Variants in SMYD4 observed in about 807,000 individuals in gnomAD.
SMYD4 encodes SET and MYND domain containing 4.
In SMYD4, 68 loss-of-function variants were observed where a neutral mutation model predicts 72.8. The ratio of observed to expected loss-of-function variants is 0.93; its 90% CI spans 0.77 to 1.14. The LOEUF (loss-of-function observed/expected upper bound fraction) is 1.14, where lower values mean the gene tolerates loss of function less well. SMYD4 is among the 50% of genes most tolerant of loss of function. The pLI, the probability that SMYD4 is intolerant of heterozygous loss-of-function variation, is 0.00. For synonymous variants in SMYD4, 407 were observed against 388.6 expected, an observed-to-expected ratio of 1.05 and a Z score of -0.56; for missense variants, 984 against 1,003.7, an observed-to-expected ratio of 0.98 and a Z score of 0.27.
intron 5 of SMYD4, among the ~76,000 whole-genome samples, chr17:1,796,734 C>G (rs1348818658): frequency 6.6e-6 from 1 of 151,952 alleles, no homozygotes; most frequent in Non-Finnish European, 1.5e-5. Flanking sequence ...CGCGCCCAGC[C>G]CTATTAAGTA....
chr17:1,817,591 C>T (rs1248735796), intron 2 of SMYD4, among the ~76,000 whole-genome samples: 1 of 152,110 alleles, frequency 6.6e-6, no homozygotes, highest in East Asian at 1.9e-4. Context: ...GCCTTGGCCT[C>T]TCAAAAGAGT....
In SMYD4 at chr17:1,783,034, C is replaced by A; in HGVS notation, c.2261+1G>T. Reference sequence around the variant, plus strand: ...CCCTGTGAAGTGGGAAAGGGACTCACCCGTTGAAAAAGATCTGGGCCAATT... The same window carrying A: ...CCCTGTGAAGTGGGAAAGGGACTCAACCGTTGAAAAAGATCTGGGCCAATT... On this transcript the variant is annotated splice_donor_variant, in intron 10 of 10. Coordinates refer to ENST00000305513, the MANE Select transcript of SMYD4 (RefSeq NM_052928.3). LOFTEE classifies it high-confidence loss of function. 3 of 1,613,874 alleles carry A rather than the reference C, an allele frequency of 1.9e-6. No individual in the cohort carries two copies. The highest frequency in any genetic ancestry group is 2.5e-6 in the Non-Finnish European group (3 of 1,179,952).
At chr17:1,788,045 GT>G (rs981439851) in intron 5 of SMYD4, among the ~76,000 whole-genome samples, 1 of 152,114 alleles carries the variant, frequency 6.6e-6, no homozygotes, top group Non-Finnish European at 1.5e-5. Context: ...AAGCGACCTA[GT>G]TACTACCCCA....
intron 3 of SMYD4, among the ~76,000 whole-genome samples, chr17:1,805,350 GGAGGTTAGGTTGCAGT>G (rs1377235726): frequency 2.6e-5 from 4 of 152,096 alleles, no homozygotes; most frequent in Non-Finnish European, 5.9e-5. Flanking sequence ...CCTGGGAGGT[GGAGGTTAGGTTGCAGT>G]GAGCTGAGAT....
At position 1,800,066 on chromosome 17, in the gene SMYD4, C is replaced by T. The variant is rs1289357164; in HGVS notation, c.1328G>A (p.Cys443Tyr). 4.3e-6 allele frequency: 7 copies of T among 1,612,534 alleles called. No homozygotes were observed. The East Asian group carries it at 1.6e-4, about 36-fold the overall frequency. Residue 443 changes from cysteine to tyrosine, a missense_variant, in exon 5 of 11, where the codon TGT becomes TAT. By Grantham distance (194) the Cys-to-Tyr change is radical. Transcript: ENST00000305513. ...GCACAGTGCAGAAACACAGAGAGCACAGAGGAATTTGTGCTCTGGGCTATG... is the reference window on the plus strand; with the variant it reads ...GCACAGTGCAGAAACACAGAGAGCATAGAGGAATTTGTGCTCTGGGCTATG... Reference protein sequence around the residue: ...ENHSPEHKFLCALCVSALCRQ... With the variant: ...ENHSPEHKFLYALCVSALCRQ...
chr17:1,809,979 C>T (rs1349132126), intron 3 of SMYD4, among the ~76,000 whole-genome samples: 1 of 151,984 alleles, frequency 6.6e-6, no homozygotes, highest in Non-Finnish European at 1.5e-5. Flanking sequence ...CGTTATTTTA[C>T]AGATGGGGTC....
chr17:1,800,414 C>T lies in SMYD4; in HGVS notation c.980G>A (p.Trp327Ter). Residue 327 changes from tryptophan to a stop codon, truncating the protein, a stop_gained, in exon 5 of 11, where the codon TGG (tryptophan) becomes TAG (stop). Transcript: ENST00000305513. LOFTEE classifies it high-confidence loss of function. ...YCSQECLQQAWELYHRTECPL... is the reference protein window; with the variant it reads ...YCSQECLQQA ...ACATTCTGTCCTGTGGTAGAGCTCC[C>T]AGGCCTGCTGCAAACACTCCTGGCT... is the stretch of plus-strand genomic sequence containing the variant. 1 of 1,614,194 alleles carries T rather than the reference C, an allele frequency of 6.2e-7. No homozygotes were observed. Among genetic ancestry groups the T allele is most frequent in the South Asian group, 1.1e-5 (1 of 91,088 alleles).
In SMYD4 at chr17:1,812,077, C is replaced by A. The variant is rs770392187; in HGVS notation, c.173G>T (p.Gly58Val). Residue 58 changes from glycine (G) to valine (V), a missense_variant, in exon 3 of 11, where the codon GGT becomes GTT. Coordinates refer to ENST00000305513, the MANE Select transcript of SMYD4 (RefSeq NM_052928.3). ...GTCCGAGTCCTTTCCCACCAAGTAA[C>A]CTTTAGAAAGTCTTTTTAGAAACAG... The part of the protein sequence containing the change: ...DELFLKRLSK[G>V]YLVGKDSDAP... The A allele has an allele frequency of 1.7e-5, 27 of 1,614,062 alleles. No individual in the cohort carries two copies. The highest frequency in any genetic ancestry group is 2.3e-5 in the Non-Finnish European group (27 of 1,180,018).
chr17:1,800,797 T>C lies in SMYD4; in HGVS notation c.597A>G (p.Gln199=). Residue 199 remains glutamine, a synonymous_variant, in exon 5 of 11, where the codon CAA becomes CAG. Transcript: ENST00000305513. The part of the protein sequence containing the change: ...RNLHRLKMKM[Q]EKDSLTESFP... ...AGCTTTCTGTGAGACTGTCCTTTTCTTGCATCTTCATTTTCAGACGATGGA... is the reference window on the plus strand; with the variant it reads ...AGCTTTCTGTGAGACTGTCCTTTTCCTGCATCTTCATTTTCAGACGATGGA... 1.2e-6 allele frequency: 2 copies of C among 1,614,252 alleles called. No homozygotes were observed. The highest frequency in any genetic ancestry group is 1.7e-6 in the Non-Finnish European group (2 of 1,180,048).
chr17:1,825,094 C>G (rs944842703), intron 2 of SMYD4, among the ~76,000 whole-genome samples: 1 of 152,084 alleles, frequency 6.6e-6, no homozygotes, highest in East Asian at 1.9e-4. Context: ...TTATAAATTA[C>G]CCAGTCTTGG....
Position 1,797,147 on chromosome 17 carries a change from G to C in SMYD4, c.1537+2710C>G, listed in dbSNP as rs79816715. On this transcript the variant is annotated intron_variant, in intron 5 of 10. Transcript: ENST00000305513. ...AACATAAACATGCACACCAAAATAG[G>C]CTGACAAATTCTAGATGACCTAATG... is the stretch of plus-strand genomic sequence containing the variant. 1.1e-4 allele frequency among the ~76,000 whole-genome samples: 16 copies of C among 152,206 alleles called. 2 individuals are homozygous for C. The East Asian group carries it at 3.1e-3, about 29-fold the overall frequency.
intron 5 of SMYD4, among the ~76,000 whole-genome samples, chr17:1,796,219 G>A (rs938278686): frequency 3.3e-5 from 5 of 150,500 alleles, no homozygotes; most frequent in Non-Finnish European, 7.4e-5. Context: ...CTGAAGCCTC[G>A]AACTCTTCGG....
At chr17:1,821,872 A>G (rs1300259183) in intron 2 of SMYD4, among the ~76,000 whole-genome samples, 3 of 151,736 alleles carry the variant, frequency 2.0e-5, no homozygotes, top group African/African-American at 7.3e-5. Flanking sequence ...CAGAGGTTGC[A>G]GTGAGCCCAG....
At chr17:1,828,599 CTTT>C (rs374636473) in intron 1 of SMYD4, among the ~76,000 whole-genome samples, 1 of 121,778 alleles carries the variant, frequency 8.2e-6, no homozygotes, top group African/African-American at 3.5e-5. Context: ...CTTAGATCCT[CTTT>C]TTTTTTTTTT....
chr17:1,821,332 T>A (rs1219387730), intron 2 of SMYD4, among the ~76,000 whole-genome samples: 1 of 151,842 alleles, frequency 6.6e-6, no homozygotes, highest in Admixed American at 6.6e-5. Context: ...CTGACCAATA[T>A]GGAGAAGTCC....
intron 5 of SMYD4, among the ~76,000 whole-genome samples, chr17:1,794,079 G>GTA (rs1567770955): frequency 1.3e-4 from 3 of 23,054 alleles, no homozygotes; most frequent in East Asian, 8.3e-4. Context: ...GTATATATAT[G>GTA]TGTATATATA....
chr17:1,826,902 G>A (rs913716879), intron 2 of SMYD4, among the ~76,000 whole-genome samples: 1 of 152,112 alleles, frequency 6.6e-6, no homozygotes, highest in South Asian at 2.1e-4. Flanking sequence ...TGTAATCCCA[G>A]CACTTTGGGA....
At chr17:1,809,639 T>G (rs376288134) in intron 3 of SMYD4, among the ~76,000 whole-genome samples, 2 of 150,866 alleles carry the variant, frequency 1.3e-5, no homozygotes, top group Non-Finnish European at 2.9e-5. Context: ...CCTCCCAAAG[T>G]GCTGGGATTA....
In SMYD4 at chr17:1,787,605, C is replaced by G; in HGVS notation, c.1538-1G>C. On this transcript the variant is annotated splice_acceptor_variant, in intron 5 of 10. Transcript: ENST00000305513. LOFTEE classifies it high-confidence loss of function. ...TCGGTAACGATGCTCCCTTTAGGTC[C>G]TGAAAGGGCAAGAGGAAAGAAGGAA... 6.3e-7 allele frequency: 1 copy of G among 1,580,112 alleles called. No individual in the cohort carries two copies. Among genetic ancestry groups the G allele is most frequent in the Non-Finnish European group, 8.6e-7 (1 of 1,163,026 alleles).
Sources: gnomAD v4.1 joint callset for allele counts (sites outside exome capture counted in the v4.1 genomes callset) on GRCh38, gnomAD v4.1.1 for gene constraint, MANE v1.5 for transcripts, NCBI Gene and HGNC (gene_info 2026-07-23, HGNC 2026-07-21) for gene names.